The following PIAS1 variants were observed in gnomAD, a reference collection of about 807,000 sequenced individuals.
The protein encoded by PIAS1 is E3 SUMO-protein ligase PIAS1.
A neutral mutation model predicts 71.3 loss-of-function variants in PIAS1; 6 were observed. The observed-to-expected ratio is 0.08, with a 90% CI of 0.05 to 0.17. The LOEUF is 0.17. PIAS1 is among the 10% of genes least tolerant of loss of function. PIAS1 has a pLI of 1.00. For synonymous variants in PIAS1, 303 were observed against 292.9 expected, an observed-to-expected ratio of 1.03 and a Z score of -0.35; for missense variants, 555 against 793.6, an observed-to-expected ratio of 0.70 and a Z score of 3.61.
chr15:68,161,571 T>C (rs762111658), intron 7 of PIAS1, among the ~76,000 whole-genome samples: 4 of 151,946 alleles, frequency 2.6e-5, no homozygotes, highest in Admixed American at 6.6e-5. Flanking sequence ...AAAGTGAATA[T>C]ATAAATCGTG....
intron 1 of PIAS1, among the ~76,000 whole-genome samples, chr15:68,081,446 A>G (rs1567032645): frequency 6.6e-6 from 1 of 152,166 alleles, no homozygotes; most frequent in Non-Finnish European, 1.5e-5. Flanking sequence ...ACTCTTAACT[A>G]TGTATGCACA....
In PIAS1 at chr15:68,114,806, G is replaced by A. The variant is rs952603709; in HGVS notation, c.470-27140G>A. ...CGTCTTTTTATTTTTGATCTAGTTC[G>A]TTTCTCTGTGGAACAATATAAAAGA... On this transcript the variant is annotated intron_variant, in intron 2 of 13. Coordinates refer to ENST00000249636, the MANE Select transcript of PIAS1 (RefSeq NM_016166.3). Among the ~76,000 whole-genome samples, 9 of 150,914 alleles carry A rather than the reference G, an allele frequency of 6.0e-5. 1 individual carries two copies. In the East Asian group the frequency reaches 7.7e-4, roughly 13 times the overall value.
In PIAS1 at chr15:68,098,039, C is replaced by G. The variant is rs896974665; in HGVS notation, c.469+11289C>G. Among the ~76,000 whole-genome samples, 3 of 152,076 alleles carry G rather than the reference C, an allele frequency of 2.0e-5. No individual in the cohort carries two copies. The South Asian group carries it at 6.2e-4, about 31-fold the overall frequency. ...TTTGAATATTATTCTAGATCTTACT[C>G]TGTTCCACTGGTCTAATTGTATACT... On this transcript the variant is annotated intron_variant, in intron 2 of 13. Coordinates refer to ENST00000249636, the MANE Select transcript of PIAS1 (RefSeq NM_016166.3).
Position 68,189,883 on chromosome 15 carries a change from T to TA in PIAS1, c.*2050dup, listed in dbSNP as rs2093111064. On this transcript the variant is annotated 3_prime_UTR_variant, in exon 14 of 14. Transcript: ENST00000249636. Reference sequence around the variant, plus strand: ...TTTAGGCTAATTTCTAATACTACCATAATTTGTGTCTAAATTTCTGTTGGG... The same window carrying TA: ...TTTAGGCTAATTTCTAATACTACCATAAATTTGTGTCTAAATTTCTGTTGGG... 6.6e-6 allele frequency: 1 copy of TA among 152,272 alleles called. No individual in the cohort carries two copies. The highest frequency in any genetic ancestry group is 6.5e-5 in the Admixed American group (1 of 15,292). The allele number at this position is 152,272 out of a possible 1,614,324, so 9.4% of individuals were successfully genotyped here.
intron 6 of PIAS1, among the ~76,000 whole-genome samples, chr15:68,147,771 T>C (rs2092818522): frequency 6.9e-6 from 1 of 145,820 alleles, no homozygotes; most frequent in Admixed American, 6.7e-5. Flanking sequence ...TTTCTTTCAC[T>C]TTTTAAATAG....
chr15:68,147,072 A>G (rs961757820), intron 6 of PIAS1, among the ~76,000 whole-genome samples: 1 of 152,200 alleles, frequency 6.6e-6, no homozygotes, highest in Admixed American at 6.5e-5. Flanking sequence ...CATTTTGAAG[A>G]CCATCTTAGT....
At chr15:68,132,930 A>C (rs1287734830) in intron 2 of PIAS1, among the ~76,000 whole-genome samples, 1 of 151,754 alleles carries the variant, frequency 6.6e-6, no homozygotes, top group African/African-American at 2.4e-5. Context: ...TGTCTCTCAT[A>C]GGTAATCATT....
Position 68,167,938 on chromosome 15 carries a change from C to T in PIAS1, c.1008+3134C>T, listed in dbSNP as rs1342693033. Among the ~76,000 whole-genome samples the T allele has an allele frequency of 6.6e-6, 1 of 152,048 alleles. No homozygotes were observed. Among genetic ancestry groups the T allele is most frequent in the Non-Finnish European group, 1.5e-5 (1 of 68,024 alleles). ...GCCAGGCTGGTCTCAAACTCCTGAC[C>T]TCAGGTGATCTGCTTGCCTTAGCTT... On this transcript the variant is annotated intron_variant, in intron 8 of 13. Coordinates refer to ENST00000249636, the MANE Select transcript of PIAS1 (RefSeq NM_016166.3). The surrounding 1 kb of genome is among the most constrained non-coding windows in gnomAD (Gnocchi z 4.4).
At chr15:68,140,184 G>A (rs924495475) in intron 2 of PIAS1, among the ~76,000 whole-genome samples, 1 of 152,076 alleles carries the variant, frequency 6.6e-6, no homozygotes, top group African/African-American at 2.4e-5. Flanking sequence ...TGTTATTTTA[G>A]TTATATCTTC....
At chr15:68,119,615 G>T (rs2141018525) in intron 2 of PIAS1, among the ~76,000 whole-genome samples, 1 of 152,252 alleles carries the variant, frequency 6.6e-6, no homozygotes. Context: ...TAAATGTTCT[G>T]TGTGCATTTG....
chr15:68,065,775 C>T (rs984138467), intron 1 of PIAS1, among the ~76,000 whole-genome samples: 27 of 137,858 alleles, frequency 2.0e-4, no homozygotes, highest in African/African-American at 3.0e-4. Flanking sequence ...GGGTCTCCCT[C>T]TCTTGCCCAG....
intron 1 of PIAS1, chr15:68,057,626 A>G (rs2091911166): frequency 6.5e-6 from 2 of 307,276 alleles, no homozygotes; most frequent in Non-Finnish European, 1.3e-5. Context: ...TTTTCAAGAA[A>G]TAGCTACTTA....
At position 68,182,490 on chromosome 15, in the gene PIAS1, C is replaced by CGTGTGTGTGTGTGTGTGTGT. The variant is rs67774530; in HGVS notation, c.1625-1133_1625-1114dup. ...AGTTTTGCTCTTATTGCTCAGGCTGCGTGTGTGTGTGTGTGTGTGTGTGTG... is the reference window on the plus strand; with the variant it reads ...AGTTTTGCTCTTATTGCTCAGGCTGCGTGTGTGTGTGTGTGTGTGTGTGTGTGTGTGTGTGTGTGTGTGTG... On this transcript the variant is annotated intron_variant, in intron 12 of 13. Transcript: ENST00000249636. Among the ~76,000 whole-genome samples, 1,182 of 123,346 alleles carry CGTGTGTGTGTGTGTGTGTGT rather than the reference C, an allele frequency of 9.6e-3. 121 individuals carry two copies. The highest frequency in any genetic ancestry group is 0.025 in the African/African-American group (771 of 31,414). The allele number at this position is 123,346 out of a possible 152,430, so 80.9% of individuals were successfully genotyped here.
At position 68,054,438 on chromosome 15, in the gene PIAS1, C is replaced by T. The variant is rs2091871938; in HGVS notation, c.24+88C>T. 2.9e-6 allele frequency: 4 copies of T among 1,382,542 alleles called. No homozygotes were observed. The highest frequency in any genetic ancestry group is 1.3e-5 in the South Asian group (1 of 79,850). The allele number at this position is 1,382,542 out of a possible 1,614,324, so 85.6% of individuals were successfully genotyped here. The stretch of plus-strand genomic sequence containing the variant: ...GGGGGATGGGTCCGACCCTGGGGGG[C>T]CTCTCGGGCCTGACTCCACCCGGGC... On this transcript the variant is annotated intron_variant, in intron 1 of 13. Transcript: ENST00000249636. The surrounding 1 kb of genome is among the most constrained non-coding windows in gnomAD (Gnocchi z 4.6).
intron 6 of PIAS1, among the ~76,000 whole-genome samples, chr15:68,147,426 TATTG>T (rs1370386486): frequency 6.6e-6 from 1 of 152,190 alleles, no homozygotes; most frequent in Non-Finnish European, 1.5e-5. Flanking sequence ...CTGTTTTTGT[TATTG>T]ATTATGAGAT....
intron 6 of PIAS1, among the ~76,000 whole-genome samples, chr15:68,150,614 A>G (rs535957714): frequency 3.3e-5 from 5 of 152,184 alleles, no homozygotes; most frequent in East Asian, 1.9e-4. Context: ...TGAAAGAAGT[A>G]AGTGAGTTAT....
At chr15:68,161,394 A>T (rs1157055743) in intron 7 of PIAS1, among the ~76,000 whole-genome samples, 1 of 152,156 alleles carries the variant, frequency 6.6e-6, no homozygotes, top group East Asian at 1.9e-4. Context: ...GAATTAATCC[A>T]GTCTAATCAA....
intron 2 of PIAS1, among the ~76,000 whole-genome samples, chr15:68,097,590 G>A (rs946838235): frequency 2.0e-5 from 3 of 151,884 alleles, no homozygotes; most frequent in Admixed American, 2.0e-4. Flanking sequence ...GCACCACCAC[G>A]CCCATCTAAT....
At chr15:68,108,766 C>G (rs368911546) in intron 2 of PIAS1, among the ~76,000 whole-genome samples, 2 of 152,232 alleles carry the variant, frequency 1.3e-5, no homozygotes, top group African/African-American at 4.8e-5. Flanking sequence ...GTTATCCTGA[C>G]TCTTCTCTTT....
Sources: allele counts gnomAD v4.1 joint callset (sites outside exome capture counted in the v4.1 genomes callset), GRCh38; gene constraint gnomAD v4.1.1; non-coding constraint Gnocchi (gnomAD v3.1); transcripts MANE v1.5; gene names NCBI Gene and HGNC (gene_info 2026-07-23, HGNC 2026-07-21).